RERG: variants seen among roughly 807,000 people sequenced by gnomAD.
The protein encoded by RERG is RAS like estrogen regulated growth inhibitor.
RERG carries 25 observed loss-of-function variants against 23.2 expected under a neutral mutation model. The ratio of observed to expected loss-of-function variants is 1.08; its 90% CI spans 0.79 to 1.50. The LOEUF (loss-of-function observed/expected upper bound fraction) is 1.50, where lower values mean the gene tolerates loss of function less well. Among genes scored for constraint, RERG ranks in the 40% most tolerant of loss-of-function variants. The probability of loss-of-function intolerance (pLI) is 0.00; values close to 1 mark genes in which losing one functional copy is unlikely to be tolerated. For missense variants in RERG, 253 were observed against 250.1 expected (o/e 1.01, Z -0.08); for synonymous variants, 81 against 89.1 (o/e 0.91, Z 0.51).
intron 2 of RERG, among the ~76,000 whole-genome samples, chr12:15,136,363 T>C (rs1437974502): frequency 6.6e-6 from 1 of 152,038 alleles, no homozygotes; most frequent in East Asian, 1.9e-4. Context: ...TTGTTAATTT[T>C]TCTATAGATA....
At chr12:15,115,196 T>G (rs999670598) in intron 3 of RERG, among the ~76,000 whole-genome samples, 11 of 152,142 alleles carry the variant, frequency 7.2e-5, no homozygotes, top group African/African-American at 2.4e-4. Context: ...TAGCGCATAC[T>G]GCTTCTATTT....
chr12:15,164,973 C>T (rs1163338914), intron 2 of RERG, among the ~76,000 whole-genome samples: 3 of 152,188 alleles, frequency 2.0e-5, no homozygotes, highest in African/African-American at 7.2e-5. Context: ...CAATAATCCT[C>T]TTGGCACTAA....
At chr12:15,126,749 G>T (rs1213309867) in intron 2 of RERG, among the ~76,000 whole-genome samples, 1 of 120,574 alleles carries the variant, frequency 8.3e-6, no homozygotes, top group Non-Finnish European at 1.7e-5. Flanking sequence ...TTGAGACAGA[G>T]TCTCGCTCTG....
At chr12:15,149,657 T>C (rs1217475480) in intron 2 of RERG, among the ~76,000 whole-genome samples, 1 of 152,200 alleles carries the variant, frequency 6.6e-6, no homozygotes, top group African/African-American at 2.4e-5. Context: ...TCTCAAAAGA[T>C]CTATTGGACA....
chr12:15,171,630 T>C (rs941128539), intron 2 of RERG, among the ~76,000 whole-genome samples: 2 of 152,212 alleles, frequency 1.3e-5, no homozygotes, highest in African/African-American at 4.8e-5. Context: ...TTTTCTCTTC[T>C]TATTTTTCAT....
chr12:15,111,423 G>C lies in RERG; in HGVS notation c.119-6C>G, dbSNP rs769318100. 11 of 1,597,688 alleles carry C rather than the reference G, an allele frequency of 6.9e-6. No homozygotes were observed. The Admixed American group carries it at 2.0e-4, about 28-fold the overall frequency. ...TTGGTGTCGGTAGGTTGATTCTAAG[G>C]GAATGAGCAAATAAAAAAGACAAAA... is the stretch of plus-strand genomic sequence containing the variant. On this transcript the variant is annotated splice_region_variant and splice_polypyrimidine_tract_variant and intron_variant, in intron 3 of 4. Transcript: ENST00000256953.
At chr12:15,160,761 G>A (rs1484688239) in intron 2 of RERG, among the ~76,000 whole-genome samples, 1 of 152,100 alleles carries the variant, frequency 6.6e-6, no homozygotes, top group Admixed American at 6.6e-5. Flanking sequence ...TAGTGGAGAC[G>A]GAGATGTAAG....
chr12:15,188,298 A>G (rs567527630), intron 2 of RERG, among the ~76,000 whole-genome samples: 4 of 152,320 alleles, frequency 2.6e-5, no homozygotes, highest in Non-Finnish European at 4.4e-5. Flanking sequence ...GTTTTTGACA[A>G]AGGACAAGAC....
intron 2 of RERG, among the ~76,000 whole-genome samples, chr12:15,209,338 A>G (rs1246998645): frequency 6.6e-6 from 1 of 152,228 alleles, no homozygotes; most frequent in Non-Finnish European, 1.5e-5. Flanking sequence ...AATTGAATCC[A>G]TCATTGGGCA....
intron 2 of RERG, among the ~76,000 whole-genome samples, chr12:15,124,562 G>A (rs887977437): frequency 3.3e-5 from 5 of 152,108 alleles, no homozygotes; most frequent in Middle Eastern, 3.4e-3. Flanking sequence ...GATTAACAAT[G>A]TATATAATGC....
In RERG at chr12:15,137,850, G is replaced by A. The variant is rs142488104; in HGVS notation, c.62-16731C>T. The A allele has an allele frequency of 1.1e-3, 504 of 443,334 alleles. 2 individuals carry two copies. The highest frequency in any genetic ancestry group is 2.2e-3 in the Admixed American group (89 of 40,588). The allele number at this position is 443,334 out of a possible 1,614,324, so 27.5% of individuals were successfully genotyped here. On this transcript the variant is annotated intron_variant, in intron 2 of 4. Transcript: ENST00000256953. ...TTTACCTTTAAAATTACCTTTTTCT[G>A]TAATGCTCTTCCTTTCTTTAAGTAC... is the stretch of plus-strand genomic sequence containing the variant.
intron 2 of RERG, among the ~76,000 whole-genome samples, chr12:15,201,569 A>C (rs115327089): frequency 0.01 from 1,548 of 149,358 alleles, 30 homozygotes; most frequent in African/African-American, 0.036. Flanking sequence ...ATTAATAATA[A>C]TAATTAGCTA....
intron 2 of RERG, among the ~76,000 whole-genome samples, chr12:15,210,548 C>G (rs937488054): frequency 6.6e-6 from 1 of 152,124 alleles, no homozygotes; most frequent in Non-Finnish European, 1.5e-5. Flanking sequence ...AGCCACCTAC[C>G]AGTAACAATT....
At chr12:15,173,374 T>C (rs1023522392) in intron 2 of RERG, among the ~76,000 whole-genome samples, 11 of 152,046 alleles carry the variant, frequency 7.2e-5, no homozygotes, top group Non-Finnish European at 1.0e-4. Flanking sequence ...AATGTAGCTT[T>C]TATAATGAGT....
intron 2 of RERG, among the ~76,000 whole-genome samples, chr12:15,191,613 T>C (rs892542576): frequency 6.6e-6 from 1 of 152,204 alleles, no homozygotes; most frequent in African/African-American, 2.4e-5. Context: ...TTGAACTCCA[T>C]GATCCAGCCA....
intron 2 of RERG, among the ~76,000 whole-genome samples, chr12:15,134,318 T>C (rs1477348099): frequency 3.9e-5 from 6 of 152,136 alleles, no homozygotes; most frequent in Admixed American, 3.9e-4. Flanking sequence ...TTTTCTTTTC[T>C]TCTTTTTGCA....
At chr12:15,190,791 C>G (rs890534671) in intron 2 of RERG, among the ~76,000 whole-genome samples, 1 of 152,134 alleles carries the variant, frequency 6.6e-6, no homozygotes, top group African/African-American at 2.4e-5. Flanking sequence ...TGGGTCTGAA[C>G]AGAACCCTTT....
At chr12:15,203,188 A>G (rs1865240804) in intron 2 of RERG, among the ~76,000 whole-genome samples, 1 of 151,640 alleles carries the variant, frequency 6.6e-6, no homozygotes, top group African/African-American at 2.4e-5. Flanking sequence ...GTTTTTGCTG[A>G]GCTGTAGGAG....
chr12:15,188,308 C>T (rs1865021969), intron 2 of RERG, among the ~76,000 whole-genome samples: 1 of 152,150 alleles, frequency 6.6e-6, no homozygotes, highest in Non-Finnish European at 1.5e-5. Context: ...AAGGACAAGA[C>T]AGAACGCTCT....
Sources: gnomAD v4.1 joint callset for allele counts (sites outside exome capture counted in the v4.1 genomes callset) on GRCh38, gnomAD v4.1.1 for gene constraint, MANE v1.5 for transcripts, NCBI Gene and HGNC (gene_info 2026-07-23, HGNC 2026-07-21) for gene names.